Variants in ENTPD1 observed in about 807,000 individuals in gnomAD.
ENTPD1 encodes the protein ectonucleoside triphosphate diphosphohydrolase 1.
In ENTPD1, 33 loss-of-function variants were observed where a neutral mutation model predicts 57.0. That is an observed-to-expected ratio of 0.58 (90% CI 0.44 to 0.77). ENTPD1 has a LOEUF of 0.77. ENTPD1 is among the 30% of genes least tolerant of loss of function. ENTPD1 has a pLI of 0.00. For missense variants in ENTPD1, 501 were observed against 603.4 expected (o/e 0.83, Z 1.78); for synonymous variants, 202 against 218.8 (o/e 0.92, Z 0.68).
rs532096028 is a variant in ENTPD1 at position 95,779,044 on chromosome 10, T to G, written c.16+22789T>G. 2.6e-5 allele frequency among the ~76,000 whole-genome samples: 4 copies of G among 152,266 alleles called. No homozygotes were observed. The East Asian group carries it at 7.7e-4, about 29-fold the overall frequency. On this transcript the variant is annotated intron_variant, in intron 1 of 9. Coordinates refer to ENST00000371205, the MANE Select transcript of ENTPD1 (RefSeq NM_001776.6). ...AGTCCAGCTTCTTAATCTAGCTGGATTCTCTGTTGAATCCTTAAAATCTCT... is the reference window on the plus strand; with the variant it reads ...AGTCCAGCTTCTTAATCTAGCTGGAGTCTCTGTTGAATCCTTAAAATCTCT...
chr10:95,745,814 C>T (rs1250059594), intron 1 of ENTPD1, among the ~76,000 whole-genome samples: 2 of 152,190 alleles, frequency 1.3e-5, no homozygotes, highest in African/African-American at 2.4e-5. Context: ...GTACTCTAGG[C>T]TTACCTTCTC....
At chr10:95,700,253 G>A in the ENTPD1 span, among the ~76,000 whole-genome samples, 1 of 151,670 alleles carries the variant, frequency 6.6e-6, no homozygotes, top group Non-Finnish European at 1.5e-5. Context: ...ATAAATATAA[G>A]GACATCTAAT....
intron 1 of ENTPD1, among the ~76,000 whole-genome samples, chr10:95,712,291 T>G (rs2097966466): frequency 6.6e-6 from 1 of 152,190 alleles, no homozygotes; most frequent in South Asian, 2.1e-4. Flanking sequence ...AACTCTCTAT[T>G]TGAGCTGGCA....
In ENTPD1 at chr10:95,867,727, G is replaced by A. The variant is rs1566262730; in HGVS notation, c.*1344G>A. On this transcript the variant is annotated 3_prime_UTR_variant, in exon 10 of 10. Transcript: ENST00000371205. ...TACCTGTTGAGCAGGATTGACTGGT[G>A]ATGTTTCATTCTGACCTTGTCCCAA... 1.0e-6 allele frequency: 1 copy of A among 985,420 alleles called. No homozygotes were observed. The highest frequency in any genetic ancestry group is 1.2e-6 in the Non-Finnish European group (1 of 829,934). The allele number at this position is 985,420 out of a possible 1,614,324, so 61.0% of individuals were successfully genotyped here.
chr10:95,832,652 T>A (rs1255024160), intron 2 of ENTPD1, among the ~76,000 whole-genome samples: 1 of 152,200 alleles, frequency 6.6e-6, no homozygotes, highest in Non-Finnish European at 1.5e-5. Context: ...ACAACTAGCC[T>A]TCATTAAACG....
upstream of ENTPD1, among the ~76,000 whole-genome samples, chr10:95,708,126 C>A (rs964116802): frequency 5.3e-5 from 8 of 152,046 alleles, no homozygotes; most frequent in Non-Finnish European, 1.2e-4. Context: ...TTTGGAGGGC[C>A]ATAGGTCAGT....
chr10:95,714,700 C>T (rs1327633633), intron 1 of ENTPD1, among the ~76,000 whole-genome samples: 2 of 152,062 alleles, frequency 1.3e-5, no homozygotes, highest in South Asian at 4.1e-4. Flanking sequence ...TTTATTTATT[C>T]ATTTGTGCAT....
chr10:95,802,678 A>G (rs887335603), intron 1 of ENTPD1, among the ~76,000 whole-genome samples: 4 of 152,098 alleles, frequency 2.6e-5, no homozygotes, highest in Non-Finnish European at 4.4e-5. Context: ...TCATTGTTCA[A>G]TTCCCACCTA....
At chr10:95,738,711 A>C (rs1303425694) in intron 1 of ENTPD1, among the ~76,000 whole-genome samples, 2 of 152,186 alleles carry the variant, frequency 1.3e-5, no homozygotes, top group African/African-American at 4.8e-5. Context: ...AAGATGAGAA[A>C]AGAGATCTAA....
At chr10:95,697,481 G>A in the ENTPD1 span, among the ~76,000 whole-genome samples, 1 of 152,164 alleles carries the variant, frequency 6.6e-6, no homozygotes, top group African/African-American at 2.4e-5. Context: ...CCAATGTGCA[G>A]TATTGAGAGG....
At chr10:95,822,960 G>A (rs1590017422) in intron 1 of ENTPD1, among the ~76,000 whole-genome samples, 1 of 152,174 alleles carries the variant, frequency 6.6e-6, no homozygotes, top group South Asian at 2.1e-4. Flanking sequence ...CCAATTTGGG[G>A]CTCTTCTCAC....
chr10:95,774,148 G>T (rs1191330826), intron 1 of ENTPD1, among the ~76,000 whole-genome samples: 1 of 152,174 alleles, frequency 6.6e-6, no homozygotes, highest in Non-Finnish European at 1.5e-5. Context: ...AGAAGTGTCT[G>T]TTCATATCCT....
In ENTPD1 at chr10:95,793,120, C is replaced by T. The variant is rs2140280081; in HGVS notation, c.17-30117C>T. Among the ~76,000 whole-genome samples, 6 of 152,342 alleles carry T rather than the reference C, an allele frequency of 3.9e-5. No individual in the cohort carries two copies. In the South Asian group the frequency reaches 1.2e-3, roughly 32 times the overall value. The stretch of plus-strand genomic sequence containing the variant: ...GAATAGCTTCTTAGCAATTTCCTCA[C>T]TGCTATTTCAGTTCCCCTCCCACCA... On this transcript the variant is annotated intron_variant, in intron 1 of 9. Coordinates refer to ENST00000371205, the MANE Select transcript of ENTPD1 (RefSeq NM_001776.6).
At chr10:95,801,677 C>T (rs185731644) in intron 1 of ENTPD1, among the ~76,000 whole-genome samples, 1 of 151,928 alleles carries the variant, frequency 6.6e-6, no homozygotes, top group African/African-American at 2.4e-5. Context: ...TATTCTGTTC[C>T]ATTGGTCTAT....
chr10:95,771,940 G>A (rs184396380), intron 1 of ENTPD1, among the ~76,000 whole-genome samples: 3 of 152,146 alleles, frequency 2.0e-5, no homozygotes, highest in Admixed American at 6.5e-5. Flanking sequence ...TGCAAGTTTT[G>A]TTCCAGACCG....
In ENTPD1 at chr10:95,867,420, CA is replaced by C; in HGVS notation, c.*1039del. On this transcript the variant is annotated 3_prime_UTR_variant, in exon 10 of 10. Transcript: ENST00000371205. ...CTTTTGTGTTTACAGCTATGGAAAC[CA>C]ACTGTACCATAAAGATAGTTCACTG... The C allele has an allele frequency of 4.1e-6, 4 of 985,322 alleles. No individual in the cohort carries two copies. The highest frequency in any genetic ancestry group is 4.8e-6 in the Non-Finnish European group (4 of 829,900). The allele number at this position is 985,322 out of a possible 1,614,324, so 61.0% of individuals were successfully genotyped here.
the ENTPD1 span, among the ~76,000 whole-genome samples, chr10:95,701,569 T>C: frequency 2.4e-4 from 37 of 152,304 alleles, no homozygotes; most frequent in African/African-American, 8.4e-4. Flanking sequence ...TAAGTGATTT[T>C]AAAATTCTCA....
chr10:95,728,177 C>T (rs2097985615), intron 1 of ENTPD1, among the ~76,000 whole-genome samples: 1 of 152,170 alleles, frequency 6.6e-6, no homozygotes. Flanking sequence ...TAGCATGTAA[C>T]TGTTGCCTTC....
At chr10:95,839,184 T>G (rs987531393) in intron 2 of ENTPD1, 1 of 165,884 alleles carries the variant, frequency 6.0e-6, no homozygotes, top group African/African-American at 2.4e-5. Flanking sequence ...ATTAGAATCA[T>G]GTGGGACCTT....
Sources: gnomAD v4.1 joint callset for allele counts (sites outside exome capture counted in the v4.1 genomes callset) on GRCh38, gnomAD v4.1.1 for gene constraint, MANE v1.5 for transcripts, NCBI Gene and HGNC (gene_info 2026-07-23, HGNC 2026-07-21) for gene names.